The following PCDHGB1 variants were observed in gnomAD, a reference collection of about 807,000 sequenced individuals.
PCDHGB1 encodes the protein protocadherin gamma subfamily B, 1.
A neutral mutation model predicts 56.6 loss-of-function variants in PCDHGB1; 34 were observed. The observed-to-expected ratio is 0.60, with a 90% CI of 0.46 to 0.80. The LOEUF is 0.80. PCDHGB1 is among the 30% of genes least tolerant of loss of function. The probability of loss-of-function intolerance (pLI) is 0.00; values close to 1 mark genes in which losing one functional copy is unlikely to be tolerated. For missense variants in PCDHGB1, 1,278 were observed against 1,204.6 expected (o/e 1.06, Z -0.90); for synonymous variants, 561 against 505.9 (o/e 1.11, Z -1.46).
intron 1 of PCDHGB1, among the ~76,000 whole-genome samples, chr5:141,473,871 T>A (rs2099330260): frequency 1.3e-5 from 2 of 152,190 alleles, no homozygotes; most frequent in Admixed American, 6.5e-5. Context: ...TTGTGGAGAA[T>A]GCATACACAA....
At position 141,423,418 on chromosome 5, in the gene PCDHGB1, G is replaced by T. The variant is rs1236092057; in HGVS notation, c.2409+70749G>T. On this transcript the variant is annotated intron_variant, in intron 1 of 3. Transcript: ENST00000523390. ...GTCACGCCTGCTGCAGGCTTCTGAAGGCGGGTTGGCAGGTATGCCCACGTC... is the reference window on the plus strand; with the variant it reads ...GTCACGCCTGCTGCAGGCTTCTGAATGCGGGTTGGCAGGTATGCCCACGTC... 1.2e-6 allele frequency: 2 copies of T among 1,614,022 alleles called. No individual in the cohort carries two copies. Among genetic ancestry groups the T allele is most frequent in the South Asian group, 1.1e-5 (1 of 91,088 alleles).
intron 1 of PCDHGB1, chr5:141,372,273 C>A (rs201775561): frequency 5.4e-4 from 865 of 1,613,108 alleles, no homozygotes; most frequent in Non-Finnish European, 6.7e-4. Flanking sequence ...GGGTGAGGTG[C>A]GCACGGCGCG....
At chr5:141,508,662 T>G (rs2099870759) in intron 3 of PCDHGB1, among the ~76,000 whole-genome samples, 1 of 152,122 alleles carries the variant, frequency 6.6e-6, no homozygotes, top group Non-Finnish European at 1.5e-5. Context: ...CCTGTCATTC[T>G]GTCTCTGCCT....
chr5:141,505,883 T>C (rs1225759976), intron 3 of PCDHGB1, among the ~76,000 whole-genome samples: 1 of 152,118 alleles, frequency 6.6e-6, no homozygotes, highest in East Asian at 1.9e-4. Flanking sequence ...GTTGTAGAGA[T>C]TAAATGAGAT....
At chr5:141,355,190 G>A in intron 1 of PCDHGB1, 4 of 1,591,790 alleles carry the variant, frequency 2.5e-6, no homozygotes, top group East Asian at 2.2e-5. Context: ...CGACTCCGCG[G>A]CGGGGTTGTA....
At chr5:141,447,950 G>T (rs1195519095) in intron 1 of PCDHGB1, among the ~76,000 whole-genome samples, 1 of 152,052 alleles carries the variant, frequency 6.6e-6, no homozygotes, top group Non-Finnish European at 1.5e-5. Flanking sequence ...GCTGGGCATG[G>T]TGGCGGACAC....
chr5:141,430,924 G>A (rs1217400258), intron 1 of PCDHGB1: 1 of 1,607,462 alleles, frequency 6.2e-7, no homozygotes, highest in Admixed American at 1.7e-5. Context: ...TGGGGCTGGA[G>A]CCCCGGGAGC....
chr5:141,449,588 CAAAAAAAAAAA>C (rs768743917), intron 1 of PCDHGB1, among the ~76,000 whole-genome samples: 1 of 57,492 alleles, frequency 1.7e-5, no homozygotes, highest in Non-Finnish European at 3.7e-5. Flanking sequence ...GACTCTGTCT[CAAAAAAAAAAA>C]AAAAAAAAGT....
intron 1 of PCDHGB1, among the ~76,000 whole-genome samples, chr5:141,481,693 C>T (rs755007426): frequency 1.8e-4 from 27 of 152,020 alleles, no homozygotes; most frequent in Admixed American, 7.9e-4. Context: ...GTGGCTCACG[C>T]CTGTAATCCC....
rs1758686491 is a variant in PCDHGB1 at position 141,351,297 on chromosome 5, T to C, written c.1037T>C (p.Met346Thr). ...ENDNAPEVTF[M>T]SFSNQIPEDS... ...GACAATGCCCCAGAGGTGACATTCA[T>C]GTCCTTCTCTAACCAGATTCCAGAG... Residue 346 changes from methionine to threonine, a missense_variant, in exon 1 of 4, where the codon ATG becomes ACG. Met to Thr is a moderately conservative substitution (Grantham distance 81). Coordinates refer to ENST00000523390, the MANE Select transcript of PCDHGB1 (RefSeq NM_018922.3). The C allele has an allele frequency of 1.2e-6, 2 of 1,613,958 alleles. No homozygotes were observed. The highest frequency in any genetic ancestry group is 1.7e-6 in the Non-Finnish European group (2 of 1,179,826).
At position 141,491,462 on chromosome 5, in the gene PCDHGB1, T is replaced by C; in HGVS notation, c.2410-3345T>C. 1.2e-6 allele frequency: 2 copies of C among 1,614,004 alleles called. No individual in the cohort carries two copies. The highest frequency in any genetic ancestry group is 1.7e-6 in the Non-Finnish European group (2 of 1,179,978). ...CGCCAGGACTCACCCTCCCCGGACT[T>C]CTATAAGCAGTCCAGCCCCAACCTG... On this transcript the variant is annotated intron_variant, in intron 1 of 3. Coordinates refer to ENST00000523390, the MANE Select transcript of PCDHGB1 (RefSeq NM_018922.3). This position sits in a 1 kb window ranked among gnomAD's most constrained non-coding sequence, Gnocchi z 6.9.
chr5:141,482,752 T>C (rs1361016909), intron 1 of PCDHGB1, among the ~76,000 whole-genome samples: 1 of 127,096 alleles, frequency 7.9e-6, no homozygotes, highest in Non-Finnish European at 1.6e-5. Context: ...AGAGGGATTA[T>C]GGTATTTCAT....
chr5:141,509,839 T>C (rs1277859334), intron 3 of PCDHGB1, among the ~76,000 whole-genome samples: 4 of 152,162 alleles, frequency 2.6e-5, no homozygotes, highest in Non-Finnish European at 5.9e-5. Context: ...CTACCTCCCA[T>C]TCACTCAGAA....
At chr5:141,363,369 A>G (rs1274938037) in intron 1 of PCDHGB1, among the ~76,000 whole-genome samples, 1 of 152,198 alleles carries the variant, frequency 6.6e-6, no homozygotes, top group Non-Finnish European at 1.5e-5. Context: ...TTTTCAATCA[A>G]GAGGTTTTTC....
chr5:141,420,076 T>TC, intron 1 of PCDHGB1: 1 of 1,613,956 alleles, frequency 6.2e-7, no homozygotes, highest in Non-Finnish European at 8.5e-7. Context: ...GACCTGTGGG[T>TC]CCCCCCAACT....
At position 141,371,682 on chromosome 5, in the gene PCDHGB1, C is replaced by T. The variant is rs752117459; in HGVS notation, c.2409+19013C>T. 12 of 1,613,918 alleles carry T rather than the reference C, an allele frequency of 7.4e-6. No homozygotes were observed. In the African/African-American group the frequency reaches 1.6e-4, roughly 22 times the overall value. On this transcript the variant is annotated intron_variant, in intron 1 of 3. Transcript: ENST00000523390. Reference sequence around the variant, plus strand: ...GATCACAGCTACCGACAAAGGCAATCCACCGCTCTCCTCCAGCAAGACCAT... The same window carrying T: ...GATCACAGCTACCGACAAAGGCAATTCACCGCTCTCCTCCAGCAAGACCAT...
At chr5:141,411,880 A>G (rs1030232942) in intron 1 of PCDHGB1, 2 of 152,240 alleles carry the variant, frequency 1.3e-5, no homozygotes, top group African/African-American at 4.8e-5. Flanking sequence ...GACATTTCTA[A>G]GAAATAAATG....
chr5:141,423,940 G>A (rs937456850), intron 1 of PCDHGB1: 1 of 1,217,098 alleles, frequency 8.2e-7, no homozygotes, highest in Non-Finnish European at 1.0e-6. Flanking sequence ...TTTGAAGTAA[G>A]TTGAATTTTA....
intron 1 of PCDHGB1, chr5:141,366,565 G>T: frequency 1.2e-6 from 2 of 1,614,252 alleles, no homozygotes; most frequent in Non-Finnish European, 1.7e-6. Context: ...GCGTGGATGG[G>T]GTTCGGGCTT....
Sources: gnomAD v4.1 joint callset for allele counts (sites outside exome capture counted in the v4.1 genomes callset) on GRCh38, gnomAD v4.1.1 for gene constraint, Gnocchi (gnomAD v3.1) non-coding constraint, MANE v1.5 for transcripts, NCBI Gene and HGNC (gene_info 2026-07-23, HGNC 2026-07-21) for gene names.